The following AGBL1 variants were observed in gnomAD, a reference collection of about 807,000 sequenced individuals.
The protein encoded by AGBL1 is AGBL carboxypeptidase 1.
In AGBL1, 130 loss-of-function variants were observed where a neutral mutation model predicts 118.9. The observed-to-expected ratio is 1.09, with a 90% CI of 0.95 to 1.26. AGBL1 has a LOEUF of 1.26. Ranked by LOEUF, AGBL1 falls within the 50% of genes most tolerant of loss-of-function variation. AGBL1 has a pLI of 0.00. For missense variants in AGBL1, 1,584 were observed against 1,298.1 expected (o/e 1.22, Z -3.38); for synonymous variants, 555 against 478.9 (o/e 1.16, Z -2.08).
intron 5 of AGBL1, among the ~76,000 whole-genome samples, chr15:86,196,120 C>T (rs1387516912): frequency 6.6e-6 from 1 of 152,104 alleles, no homozygotes; most frequent in Non-Finnish European, 1.5e-5. Context: ...CAGAGATCTA[C>T]TTTAAATATT....
At chr15:86,632,222 C>T (rs112339622) in intron 21 of AGBL1, among the ~76,000 whole-genome samples, 10 of 147,386 alleles carry the variant, frequency 6.8e-5, no homozygotes, top group South Asian at 6.4e-4. Flanking sequence ...GAGTTATGAT[C>T]ATGCCACTGC....
At chr15:86,581,116 G>C (rs1284028582) in intron 21 of AGBL1, among the ~76,000 whole-genome samples, 1 of 152,106 alleles carries the variant, frequency 6.6e-6, no homozygotes, top group South Asian at 2.1e-4. Flanking sequence ...TATGGAACTT[G>C]ATATTATAAA....
chr15:86,308,387 C>A (rs779748211), intron 17 of AGBL1, among the ~76,000 whole-genome samples: 1 of 152,164 alleles, frequency 6.6e-6, no homozygotes, highest in Non-Finnish European at 1.5e-5. Context: ...CATGTGAGGA[C>A]ACTGAGAGAA....
chr15:86,839,670 A>C (rs761287641), intron 22 of AGBL1, among the ~76,000 whole-genome samples: 1 of 152,184 alleles, frequency 6.6e-6, no homozygotes, highest in Non-Finnish European at 1.5e-5. Flanking sequence ...ACAACTAAAT[A>C]TGACAACTAA....
At chr15:87,024,736 C>T (rs540258930) in intron 24 of AGBL1, among the ~76,000 whole-genome samples, 3 of 152,064 alleles carry the variant, frequency 2.0e-5, no homozygotes, top group African/African-American at 7.2e-5. Flanking sequence ...AAATCCTCAA[C>T]AAAATACTAG....
intron 23 of AGBL1, among the ~76,000 whole-genome samples, chr15:86,930,048 G>A (rs545399682): frequency 3.9e-5 from 6 of 152,094 alleles, no homozygotes; most frequent in Non-Finnish European, 8.8e-5. Flanking sequence ...CTTGCCGAAG[G>A]AAACATACCA....
At chr15:86,087,877 G>C (rs1185419037) in intron 1 of AGBL1, among the ~76,000 whole-genome samples, 1 of 152,204 alleles carries the variant, frequency 6.6e-6, no homozygotes, top group Non-Finnish European at 1.5e-5. Flanking sequence ...AGTGTCTGCT[G>C]GGGAAAGATG....
chr15:86,183,618 AG>A (rs2141802609), intron 5 of AGBL1, among the ~76,000 whole-genome samples: 1 of 152,296 alleles, frequency 6.6e-6, no homozygotes, highest in South Asian at 2.1e-4. Context: ...CTGGAGCCCA[AG>A]GGCTCTAAAG....
At chr15:86,923,707 C>A (rs909188849) in intron 23 of AGBL1, among the ~76,000 whole-genome samples, 11 of 152,178 alleles carry the variant, frequency 7.2e-5, no homozygotes, top group Admixed American at 6.5e-4. Flanking sequence ...TATCATTCAT[C>A]ATTTAGCATC....
intron 24 of AGBL1, among the ~76,000 whole-genome samples, chr15:86,991,003 G>T (rs1434858830): frequency 6.6e-6 from 1 of 152,064 alleles, no homozygotes; most frequent in African/African-American, 2.4e-5. Context: ...AGTGAAGGAG[G>T]GGTAGGATTA....
At chr15:86,930,587 A>G (rs1267975083) in intron 23 of AGBL1, among the ~76,000 whole-genome samples, 1 of 152,202 alleles carries the variant, frequency 6.6e-6, no homozygotes, top group Non-Finnish European at 1.5e-5. Flanking sequence ...TTAAAAATAA[A>G]CAATTATTTT....
At chr15:86,234,569 AAAAAG>A (rs2078508400) in intron 6 of AGBL1, among the ~76,000 whole-genome samples, 1 of 151,654 alleles carries the variant, frequency 6.6e-6, no homozygotes, top group African/African-American at 2.4e-5. Context: ...AAAAAAAAAA[AAAAAG>A]AGTAAGTCAC....
chr15:86,136,910 C>T (rs1371118774), intron 1 of AGBL1, among the ~76,000 whole-genome samples: 1 of 152,096 alleles, frequency 6.6e-6, no homozygotes, highest in African/African-American at 2.4e-5. Flanking sequence ...ACTCCAACTC[C>T]CTGAGTCTCC....
intron 1 of AGBL1, among the ~76,000 whole-genome samples, chr15:86,082,989 G>A (rs544215477): frequency 3.3e-4 from 50 of 152,304 alleles, no homozygotes; most frequent in African/African-American, 1.2e-3. Flanking sequence ...TGTAAAACAA[G>A]GGCCTTAAAA....
At chr15:86,153,631 A>C (rs1042712150) in intron 3 of AGBL1, among the ~76,000 whole-genome samples, 1 of 152,234 alleles carries the variant, frequency 6.6e-6, no homozygotes, top group Non-Finnish European at 1.5e-5. Flanking sequence ...CACGTTGTGC[A>C]CATGTCCCCT....
At chr15:86,436,637 A>G (rs986004359) in intron 18 of AGBL1, among the ~76,000 whole-genome samples, 1 of 152,196 alleles carries the variant, frequency 6.6e-6, no homozygotes, top group Non-Finnish European at 1.5e-5. Flanking sequence ...CTGCCATAAC[A>G]ATTACACTAA....
At chr15:86,134,098 G>C (rs1043133315) in intron 1 of AGBL1, among the ~76,000 whole-genome samples, 1 of 152,172 alleles carries the variant, frequency 6.6e-6, no homozygotes, top group African/African-American at 2.4e-5. Context: ...TGCAGTTTCT[G>C]CCTGTTTCCT....
At chr15:86,235,907 C>A (rs1308292927) in intron 6 of AGBL1, among the ~76,000 whole-genome samples, 1 of 151,952 alleles carries the variant, frequency 6.6e-6, no homozygotes, top group Non-Finnish European at 1.5e-5. Context: ...CAGGATGGCC[C>A]CACACAATGA....
At chr15:86,588,402 C>T (rs1488748180) in intron 21 of AGBL1, among the ~76,000 whole-genome samples, 1 of 152,182 alleles carries the variant, frequency 6.6e-6, no homozygotes, top group African/African-American at 2.4e-5. Flanking sequence ...AGATATGCCT[C>T]CCCACTCCTG....
Sources: gnomAD v4.1 joint callset for allele counts (sites outside exome capture counted in the v4.1 genomes callset) on GRCh38, gnomAD v4.1.1 for gene constraint, MANE v1.5 for transcripts, NCBI Gene and HGNC (gene_info 2026-07-23, HGNC 2026-07-21) for gene names.